Variants in ZNF141 observed in about 807,000 individuals in gnomAD.
ZNF141 encodes the protein zinc finger protein 141 (clone pHZ-44).
Under a neutral mutation model 11.3 loss-of-function variants are expected in ZNF141, and 7 were observed. The ratio of observed to expected loss-of-function variants is 0.62; its 90% CI spans 0.35 to 1.16. The LOEUF (loss-of-function observed/expected upper bound fraction) is 1.16, where lower values mean the gene tolerates loss of function less well. Ranked by LOEUF, ZNF141 falls within the 50% of genes most tolerant of loss-of-function variation. The pLI is 0.02. For synonymous variants in ZNF141, 183 were observed against 190.7 expected, an observed-to-expected ratio of 0.96 and a Z score of 0.33; for missense variants, 535 against 554.0, an observed-to-expected ratio of 0.97 and a Z score of 0.34.
intron 3 of ZNF141, among the ~76,000 whole-genome samples, chr4:368,070 T>C (rs1375732646): frequency 1.3e-5 from 2 of 152,242 alleles, no homozygotes; most frequent in Non-Finnish European, 2.9e-5. Context: ...AATTCTGTTT[T>C]CTATTTTAGA....
In ZNF141 at chr4:373,826, C is replaced by T. The variant is rs145502841; in HGVS notation, c.1389C>T (p.Phe463=). The T allele has an allele frequency of 2.6e-5, 42 of 1,610,366 alleles. No homozygotes were observed. In the African/African-American group the frequency reaches 5.1e-4, roughly 19 times the overall value. ...CKDCDKAFKR[F]SHLNKHKKIH... The stretch of plus-strand genomic sequence containing the variant: ...ATTGTGACAAAGCCTTTAAACGGTT[C>T]TCACACCTGAATAAACATAAGAAAA... The change falls in exon 4 of 4, where the codon TTC becomes TTT. Residue 463 remains phenylalanine, a synonymous_variant. Transcript: ENST00000240499.
chr4:379,351 A>AT lies in ZNF141; in HGVS notation c.*5490dup, dbSNP rs1320911884. 6.6e-6 allele frequency among the ~76,000 whole-genome samples: 1 copy of AT among 152,086 alleles called. No homozygotes were observed. Among genetic ancestry groups the AT allele is most frequent in the Non-Finnish European group, 1.5e-5 (1 of 68,016 alleles). On this transcript the variant is annotated 3_prime_UTR_variant, in exon 4 of 4. Coordinates refer to ENST00000240499, the MANE Select transcript of ZNF141 (RefSeq NM_003441.4). Reference sequence around the variant, plus strand: ...TTCTGGGTCTAAGCCATGCTAGTAAATATTAGAGTTCCTATGATTATTTTC... The same window carrying AT: ...TTCTGGGTCTAAGCCATGCTAGTAAATTATTAGAGTTCCTATGATTATTTTC...
chr4:368,925 G>A (rs1461091575), intron 3 of ZNF141, among the ~76,000 whole-genome samples: 1 of 152,140 alleles, frequency 6.6e-6, no homozygotes, highest in Non-Finnish European at 1.5e-5. Context: ...AAATTTGACA[G>A]GGATTGCATT....
Position 369,869 on chromosome 4 carries a change from C to T in ZNF141, c.227-2795C>T, listed in dbSNP as rs1366468691. On this transcript the variant is annotated intron_variant, in intron 3 of 3. Transcript: ENST00000240499. ...GCAACTTCTGCCTCTTGGGTTCAAG[C>T]GATTCTCCTGCCTCAGCCTCCTGAG... Among the ~76,000 whole-genome samples the T allele has an allele frequency of 5.4e-5, 8 of 147,368 alleles. 1 individual carries two copies. The highest frequency in any genetic ancestry group is 1.5e-4 in the African/African-American group (6 of 39,688).
intron 3 of ZNF141, among the ~76,000 whole-genome samples, chr4:347,948 G>A (rs951730005): frequency 3.3e-5 from 5 of 150,798 alleles, no homozygotes; most frequent in South Asian, 2.1e-4. Context: ...GGGTTCAAGC[G>A]ATTCTCCTGC....
chr4:363,865 A>G (rs1216873392), intron 3 of ZNF141, among the ~76,000 whole-genome samples: 1 of 152,036 alleles, frequency 6.6e-6, no homozygotes, highest in Non-Finnish European at 1.5e-5. Flanking sequence ...GATACGTTCC[A>G]TCAATACCTA....
Position 337,937 on chromosome 4 carries a change from T to C in ZNF141, c.-47T>C. 6.2e-7 allele frequency: 1 copy of C among 1,610,956 alleles called. No homozygotes were observed. Among genetic ancestry groups the C allele is most frequent in the Non-Finnish European group, 8.5e-7 (1 of 1,178,006 alleles). On this transcript the variant is annotated 5_prime_UTR_variant, in exon 1 of 4. Coordinates refer to ENST00000240499, the MANE Select transcript of ZNF141 (RefSeq NM_003441.4). ...TCCGTCGCTCTGTGACCTGCGGGTA[T>C]TGGATGATTGGTAGCTAAGACTCCC... is the stretch of plus-strand genomic sequence containing the variant.
rs1447898008 is a variant in ZNF141 at position 374,474 on chromosome 4, C to T, written c.*612C>T. The T allele has an allele frequency of 1.6e-5, 5 of 307,808 alleles. No individual in the cohort carries two copies. The highest frequency in any genetic ancestry group is 2.0e-5 in the Non-Finnish European group (3 of 149,332). The allele number at this position is 307,808 out of a possible 1,614,324, so 19.1% of individuals were successfully genotyped here. Reference sequence around the variant, plus strand: ...AACCCTACACATGTAAAGAATGTGGCAAAGCCTTCAATAGGTTCTCAACCC... The same window carrying T: ...AACCCTACACATGTAAAGAATGTGGTAAAGCCTTCAATAGGTTCTCAACCC... On this transcript the variant is annotated 3_prime_UTR_variant, in exon 4 of 4. Coordinates refer to ENST00000240499, the MANE Select transcript of ZNF141 (RefSeq NM_003441.4).
Position 379,516 on chromosome 4 carries a change from A to C in ZNF141, c.*5654A>C, listed in dbSNP as rs2108661240. Among the ~76,000 whole-genome samples the C allele has an allele frequency of 6.6e-6, 1 of 152,242 alleles. No individual in the cohort carries two copies. Among genetic ancestry groups the C allele is most frequent in the Middle Eastern group, 3.4e-3 (1 of 294 alleles). On this transcript the variant is annotated 3_prime_UTR_variant, in exon 4 of 4. Coordinates refer to ENST00000240499, the MANE Select transcript of ZNF141 (RefSeq NM_003441.4). ...CAGCCTCCTTATTAGCTGGCATTAC[A>C]GGTGTGCACCACCATGCCTGGCTAA...
rs1581625039 is a variant in ZNF141 at position 371,753 on chromosome 4, G to A, written c.227-911G>A. On this transcript the variant is annotated intron_variant, in intron 3 of 3. Transcript: ENST00000240499. ...GACGGTGATTCACCATGTTAGCCAA[G>A]ATGGTCTCTATCTCCTGACCTCGTG... Among the ~76,000 whole-genome samples the A allele has an allele frequency of 2.7e-5, 4 of 150,870 alleles. No individual in the cohort carries two copies. In the South Asian group the frequency reaches 6.3e-4, roughly 24 times the overall value.
At position 373,378 on chromosome 4, in the gene ZNF141, A is replaced by T; in HGVS notation, c.941A>T (p.Glu314Val). The change falls in exon 4 of 4, where the codon GAA becomes GTA. Residue 314 changes from glutamate (E) to valine (V), a missense_variant. Coordinates refer to ENST00000240499, the MANE Select transcript of ZNF141 (RefSeq NM_003441.4). Reference sequence around the variant, plus strand: ...ACTGGAGAGAAACCCTACAAATGTGAAGAATGTGGCAAAGCCTTTAATAGG... The same window carrying T: ...ACTGGAGAGAAACCCTACAAATGTGTAGAATGTGGCAAAGCCTTTAATAGG... Reference protein sequence around the residue: ...IHTGEKPYKCEECGKAFNRST... With the variant: ...IHTGEKPYKCVECGKAFNRST... The T allele has an allele frequency of 6.2e-7, 1 of 1,614,050 alleles. No homozygotes were observed. The highest frequency in any genetic ancestry group is 1.1e-5 in the South Asian group (1 of 91,070).
chr4:366,691 T>C (rs1424854246), intron 3 of ZNF141, among the ~76,000 whole-genome samples: 2 of 152,104 alleles, frequency 1.3e-5, no homozygotes, highest in Non-Finnish European at 2.9e-5. Context: ...TTTATTTAAT[T>C]TGGGATGGAG....
At chr4:369,758 A>ATTTTTT (rs1560196787) in intron 3 of ZNF141, among the ~76,000 whole-genome samples, 1 of 34,784 alleles carries the variant, frequency 2.9e-5, no homozygotes, top group Non-Finnish European at 4.9e-5. Flanking sequence ...ATATATATAT[A>ATTTTTT]TATATATTTT....
Position 372,663 on chromosome 4 carries a change from G to GAA in ZNF141, c.227-1_227insAA (p.Ala76GlufsTer17). 1 of 1,501,982 alleles carries GAA rather than the reference G, an allele frequency of 6.7e-7. No homozygotes were observed. Among genetic ancestry groups the GAA allele is most frequent in the South Asian group, 1.4e-5 (1 of 70,698 alleles). The allele number at this position is 1,501,982 out of a possible 1,614,324, so 93.0% of individuals were successfully genotyped here. A position where few individuals can be genotyped will look rare whatever the true frequency, so the allele number is the denominator to read the frequency against. On this transcript the variant is annotated frameshift_variant and splice_region_variant. Coordinates refer to ENST00000240499, the MANE Select transcript of ZNF141 (RefSeq NM_003441.4). LOFTEE classifies it high-confidence loss of function. ...TAATTTGTAATTTTTATTTCTTTCA[G>GAA]CTATGTGTTCTCATTTCACCCAAGA...
chr4:363,627 A>G (rs1358249202), intron 3 of ZNF141, among the ~76,000 whole-genome samples: 1 of 152,056 alleles, frequency 6.6e-6, no homozygotes, highest in Non-Finnish European at 1.5e-5. Flanking sequence ...GTGTGGTGGC[A>G]GGCACCTGGA....
intron 3 of ZNF141, among the ~76,000 whole-genome samples, chr4:362,877 A>G (rs1474552087): frequency 6.6e-6 from 1 of 152,186 alleles, no homozygotes; most frequent in Non-Finnish European, 1.5e-5. Flanking sequence ...TTTTGGTTCC[A>G]TATGAACTTT....
chr4:350,202 A>C (rs782457633), intron 3 of ZNF141: 1 of 534,636 alleles, frequency 1.9e-6, no homozygotes, highest in African/African-American at 1.9e-5. Flanking sequence ...GTCTGTAGCC[A>C]TGTCTATGGG....
At position 381,965 on chromosome 4, in the gene ZNF141, T is replaced by TTTTTTTTG. The variant is rs1712642041; in HGVS notation, c.*8103_*8104insTTTTTTTG. Among the ~76,000 whole-genome samples the TTTTTTTTG allele has an allele frequency of 7.4e-6, 1 of 135,600 alleles. No individual in the cohort carries two copies. The highest frequency in any genetic ancestry group is 1.6e-5 in the Non-Finnish European group (1 of 62,372). The allele number at this position is 135,600 out of a possible 152,430, so 89.0% of individuals were successfully genotyped here. On this transcript the variant is annotated 3_prime_UTR_variant, in exon 4 of 4. Transcript: ENST00000240499. ...TGGGAACTTTTTTTTTTTTTTTTTT[T>TTTTTTTTG]GAGACGGAGTCTCACTCTCGCCCAG...
At chr4:366,714 G>T (rs781917563) in intron 3 of ZNF141, among the ~76,000 whole-genome samples, 1 of 152,088 alleles carries the variant, frequency 6.6e-6, no homozygotes, top group South Asian at 2.1e-4. Context: ...CTGCTTTGTC[G>T]CTCAGACTGG....
Sources: allele counts gnomAD v4.1 joint callset (sites outside exome capture counted in the v4.1 genomes callset), GRCh38; gene constraint gnomAD v4.1.1; transcripts MANE v1.5; gene names NCBI Gene and HGNC (gene_info 2026-07-23, HGNC 2026-07-21).